Variants in GATAD2B observed in about 807,000 individuals in gnomAD.
GATAD2B encodes the protein GATA zinc finger domain containing 2B.
Under a neutral mutation model 64.3 loss-of-function variants are expected in GATAD2B, and 8 were observed. The ratio of observed to expected loss-of-function variants is 0.12; its 90% CI spans 0.07 to 0.22. The LOEUF is 0.22. GATAD2B is among the 10% of genes least tolerant of loss of function. The pLI is 1.00. For synonymous variants in GATAD2B, 281 were observed against 271.3 expected (o/e 1.04, Z -0.35); for missense variants, 453 against 752.0 (o/e 0.60, Z 4.65).
intron 1 of GATAD2B, among the ~76,000 whole-genome samples, chr1:153,907,148 T>TA (rs1181131183): frequency 2.0e-5 from 3 of 152,226 alleles, no homozygotes; most frequent in Non-Finnish European, 4.4e-5. Flanking sequence ...CAATTCTGGA[T>TA]ATATATCCTA....
At chr1:153,896,035 C>T (rs941450802) in intron 1 of GATAD2B, among the ~76,000 whole-genome samples, 6 of 150,298 alleles carry the variant, frequency 4.0e-5, no homozygotes, top group Non-Finnish European at 5.9e-5. Context: ...CTGTGGCATG[C>T]GCCTGTAGTC....
chr1:153,871,226 C>T (rs1462741661), intron 1 of GATAD2B, among the ~76,000 whole-genome samples: 1 of 152,090 alleles, frequency 6.6e-6, no homozygotes, highest in Non-Finnish European at 1.5e-5. Context: ...ACCACCATGC[C>T]CGGCTAATTT....
rs1252919182 is a variant in GATAD2B at position 153,806,730 on chromosome 1, G to C, written c.*3447C>G. On this transcript the variant is annotated 3_prime_UTR_variant, in exon 11 of 11. Transcript: ENST00000368655. ...GCAGCAAATATCATAAGCTAATGAAGGTCTTGATGGAAAGGATGGGAGCCT... is the reference window on the plus strand; with the variant it reads ...GCAGCAAATATCATAAGCTAATGAACGTCTTGATGGAAAGGATGGGAGCCT... The C allele has an allele frequency of 6.6e-6, 1 of 151,660 alleles. No homozygotes were observed. The highest frequency in any genetic ancestry group is 1.5e-5 in the Non-Finnish European group (1 of 67,904). 9.4% of individuals were successfully genotyped at this position (151,660 alleles called of 1,614,324 possible). A position where few individuals can be genotyped will look rare whatever the true frequency, so the allele number is the denominator to read the frequency against.
chr1:153,836,014 C>T lies in GATAD2B; in HGVS notation c.-1-7666G>A, dbSNP rs1237141486. Among the ~76,000 whole-genome samples, 5 of 152,056 alleles carry T rather than the reference C, an allele frequency of 3.3e-5. No individual in the cohort carries two copies. The South Asian group carries it at 6.2e-4, about 19-fold the overall frequency. On this transcript the variant is annotated intron_variant, in intron 1 of 10. Transcript: ENST00000368655. The stretch of plus-strand genomic sequence containing the variant: ...CTTGGATTACAGGCGTGAGCCACTG[C>T]GTCTGGCCTAAACATAACTTTTATA...
At chr1:153,840,702 T>A (rs1223331471) in intron 1 of GATAD2B, among the ~76,000 whole-genome samples, 2 of 152,230 alleles carry the variant, frequency 1.3e-5, no homozygotes, top group African/African-American at 4.8e-5. Flanking sequence ...CTAAAAACTT[T>A]GAAGTAAATA....
At chr1:153,842,022 G>C (rs1284373912) in intron 1 of GATAD2B, among the ~76,000 whole-genome samples, 1 of 152,088 alleles carries the variant, frequency 6.6e-6, no homozygotes, top group African/African-American at 2.4e-5. Flanking sequence ...GAGTGCAGTG[G>C]CTATTCATAG....
intron 1 of GATAD2B, among the ~76,000 whole-genome samples, chr1:153,905,838 G>A (rs1677909969): frequency 1.3e-5 from 2 of 151,280 alleles, no homozygotes; most frequent in South Asian, 2.1e-4. Flanking sequence ...AGGCCGAGGT[G>A]GGCAGATCAC....
intron 1 of GATAD2B, among the ~76,000 whole-genome samples, chr1:153,837,222 G>T (rs1675297427): frequency 6.6e-6 from 1 of 152,296 alleles, no homozygotes; most frequent in East Asian, 1.9e-4. Context: ...GAGCATGGTG[G>T]CAAGTGCCTA....
chr1:153,811,959 A>T (rs1674306772), intron 9 of GATAD2B, 63 bp downstream of exon 9: 2 of 1,295,146 alleles, frequency 1.5e-6, no homozygotes, highest in Non-Finnish European at 1.1e-6. Flanking sequence ...TAGAAAGGAC[A>T]AATTGTGATA....
In GATAD2B at chr1:153,899,696, T is replaced by C. The variant is rs148768448; in HGVS notation, c.-2+23037A>G. Among the ~76,000 whole-genome samples the C allele has an allele frequency of 5.9e-3, 900 of 152,288 alleles. 10 individuals are homozygous for C. Among genetic ancestry groups the C allele is most frequent in the African/African-American group, 0.021 (877 of 41,548 alleles). On this transcript the variant is annotated intron_variant, in intron 1 of 10. Coordinates refer to ENST00000368655, the MANE Select transcript of GATAD2B (RefSeq NM_020699.4). ...GAAATGCTAATAAGGTATATAAGTG[T>C]TCCCAAAGGCACTTGAAGACAGACA...
intron 1 of GATAD2B, among the ~76,000 whole-genome samples, chr1:153,889,413 C>CAAAAAAAAAA (rs71093299): frequency 4.4e-5 from 3 of 67,882 alleles, no homozygotes; most frequent in Non-Finnish European, 7.9e-5. Flanking sequence ...ACCCCGTCTC[C>CAAAAAAAAAA]AAAAAAAAAA....
intron 1 of GATAD2B, among the ~76,000 whole-genome samples, chr1:153,880,706 T>C (rs935935597): frequency 6.6e-6 from 1 of 151,800 alleles, no homozygotes; most frequent in Non-Finnish European, 1.5e-5. Context: ...TAGCCAGGTG[T>C]GGTGGTACAC....
chr1:153,881,366 T>G (rs1323907926), intron 1 of GATAD2B, among the ~76,000 whole-genome samples: 1 of 151,922 alleles, frequency 6.6e-6, no homozygotes, highest in Non-Finnish European at 1.5e-5. Flanking sequence ...AATAAAACAC[T>G]CTCCTTATTG....
At chr1:153,826,133 A>G (rs1267471808) in intron 2 of GATAD2B, among the ~76,000 whole-genome samples, 1 of 151,912 alleles carries the variant, frequency 6.6e-6, no homozygotes, top group African/African-American at 2.4e-5. Context: ...CCTCCCAAGT[A>G]GCGGGGACTA....
intron 1 of GATAD2B, among the ~76,000 whole-genome samples, chr1:153,861,510 G>A (rs1030852634): frequency 6.6e-6 from 1 of 151,046 alleles, no homozygotes; most frequent in African/African-American, 2.4e-5. Context: ...AAATACGGCC[G>A]GACACAGTGG....
chr1:153,856,218 C>T (rs1394870747), intron 1 of GATAD2B, among the ~76,000 whole-genome samples: 1 of 152,160 alleles, frequency 6.6e-6, no homozygotes, highest in Non-Finnish European at 1.5e-5. Flanking sequence ...AACTGATTAG[C>T]AACCTTAATT....
At chr1:153,856,373 T>G (rs1308556698) in intron 1 of GATAD2B, among the ~76,000 whole-genome samples, 1 of 152,162 alleles carries the variant, frequency 6.6e-6, no homozygotes, top group East Asian at 1.9e-4. Flanking sequence ...GTCTAAAACT[T>G]ACTTTGAAGT....
At chr1:153,878,795 T>TTTC (rs1676915686) in intron 1 of GATAD2B, among the ~76,000 whole-genome samples, 1 of 149,150 alleles carries the variant, frequency 6.7e-6, no homozygotes. Flanking sequence ...TTTTTTTTTT[T>TTTC]GAGACAGAGT....
rs756930752 is a variant in GATAD2B at position 153,818,046 on chromosome 1, T to C, written c.723A>G (p.Thr241=). ...AQGVEPQNLR[T]LQGHSVIRSA... ...CCCACTATGGGTCACATACCTGTAA[T>C]GTTCTCAAATTTTGAGGTTCAACCC... The change falls in exon 5 of 11, where the codon ACA becomes ACG. Residue 241 remains threonine, a synonymous_variant. Coordinates refer to ENST00000368655, the MANE Select transcript of GATAD2B (RefSeq NM_020699.4). 2 of 1,607,924 alleles carry C rather than the reference T, an allele frequency of 1.2e-6. No homozygotes were observed. Among genetic ancestry groups the C allele is most frequent in the African/African-American group, 1.3e-5 (1 of 74,464 alleles).
Sources: gnomAD v4.1 joint callset for allele counts (sites outside exome capture counted in the v4.1 genomes callset) on GRCh38, gnomAD v4.1.1 for gene constraint, MANE v1.5 for transcripts, NCBI Gene and HGNC (gene_info 2026-07-23, HGNC 2026-07-21) for gene names.